The following ERP44 variants were observed in gnomAD, a reference collection of about 807,000 sequenced individuals.
ERP44 encodes endoplasmic reticulum resident protein 44.
Under a neutral mutation model 53.4 loss-of-function variants are expected in ERP44, and 25 were observed. The ratio of observed to expected loss-of-function variants is 0.47; its 90% confidence interval spans 0.34 to 0.65. The LOEUF (loss-of-function observed/expected upper bound fraction) is 0.65. Among genes scored for constraint, ERP44 ranks in the 30% least tolerant of loss-of-function variants. The pLI is 0.01. For synonymous variants in ERP44, 145 were observed against 161.2 expected (o/e 0.90, Z 0.76); for missense variants, 338 against 493.2 (o/e 0.69, Z 2.98).
intron 4 of ERP44, among the ~76,000 whole-genome samples, chr9:100,052,192 C>A (rs894277221): frequency 1.3e-5 from 2 of 151,676 alleles, no homozygotes; most frequent in Non-Finnish European, 2.9e-5. Context: ...AAAACCTTCA[C>A]ACAAGCAAAA....
intron 4 of ERP44, among the ~76,000 whole-genome samples, chr9:100,043,291 A>AAAAAG (rs1168903331): frequency 0.015 from 1,147 of 74,906 alleles, 388 homozygotes; most frequent in African/African-American, 0.06. Context: ...AAAAAAAAAA[A>AAAAAG]GATAAATAAG....
chr9:99,983,476 C>T (rs1037862081), intron 11 of ERP44, among the ~76,000 whole-genome samples: 2 of 140,570 alleles, frequency 1.4e-5, no homozygotes, highest in Non-Finnish European at 3.0e-5. Context: ...ACCCGGGAAG[C>T]GGAGCTTGCA....
intron 1 of ERP44, among the ~76,000 whole-genome samples, chr9:100,071,789 C>T (rs1826308578): frequency 6.6e-6 from 1 of 152,010 alleles, no homozygotes; most frequent in Non-Finnish European, 1.5e-5. Flanking sequence ...GGCGTGGTTG[C>T]GGATGCCTGT....
chr9:100,021,266 G>A (rs1367851792), intron 5 of ERP44, among the ~76,000 whole-genome samples: 2 of 152,204 alleles, frequency 1.3e-5, no homozygotes, highest in African/African-American at 4.8e-5. Flanking sequence ...GAAATAGTGA[G>A]TTCCCCAAGC....
intron 10 of ERP44, among the ~76,000 whole-genome samples, chr9:99,995,626 T>C (rs75783276): frequency 0.013 from 1,975 of 152,332 alleles, 35 homozygotes; most frequent in African/African-American, 0.046. Context: ...GTATTTGTCT[T>C]TCTGTGCTTG....
chr9:100,068,970 C>T (rs1323557094), intron 1 of ERP44, among the ~76,000 whole-genome samples: 3 of 152,290 alleles, frequency 2.0e-5, no homozygotes, highest in Non-Finnish European at 4.4e-5. Context: ...GCCGTGGGAT[C>T]CTGTGGATCT....
At chr9:100,031,637 GT>G (rs1389477265) in intron 4 of ERP44, among the ~76,000 whole-genome samples, 1 of 152,116 alleles carries the variant, frequency 6.6e-6, no homozygotes, top group Non-Finnish European at 1.5e-5. Context: ...AGAAATACTG[GT>G]CATTTGGCCT....
chr9:100,014,128 G>A (rs1564089877), intron 8 of ERP44, among the ~76,000 whole-genome samples: 1 of 152,150 alleles, frequency 6.6e-6, no homozygotes, highest in Non-Finnish European at 1.5e-5. Flanking sequence ...ATGGTAAGTG[G>A]GGGTAATAAC....
intron 1 of ERP44, among the ~76,000 whole-genome samples, chr9:100,090,760 A>AT (rs964795795): frequency 3.3e-4 from 50 of 151,986 alleles, no homozygotes; most frequent in African/African-American, 1.1e-3. Flanking sequence ...AAAAAAAAAA[A>AT]ATATACAACA....
intron 10 of ERP44, among the ~76,000 whole-genome samples, chr9:99,989,105 C>T (rs916217521): frequency 5.9e-5 from 9 of 152,358 alleles, no homozygotes; most frequent in African/African-American, 1.9e-4. Context: ...CCTCTGGGGG[C>T]AGGGCATAGC....
intron 10 of ERP44, among the ~76,000 whole-genome samples, chr9:99,989,295 A>G (rs982172646): frequency 1.6e-4 from 25 of 152,256 alleles, no homozygotes; most frequent in African/African-American, 5.1e-4. Context: ...GCCGACTGAC[A>G]CCTCATACAG....
At chr9:100,021,039 T>C (rs1012781496) in intron 5 of ERP44, among the ~76,000 whole-genome samples, 1 of 152,208 alleles carries the variant, frequency 6.6e-6, no homozygotes, top group African/African-American at 2.4e-5. Flanking sequence ...TTCTAAAATG[T>C]GTTAAAACAA....
In ERP44 at chr9:99,985,065, G is replaced by A; in HGVS notation, c.1021C>T (p.Pro341Ser). 1 of 1,601,114 alleles carries A rather than the reference G, an allele frequency of 6.2e-7. No individual in the cohort carries two copies. Among genetic ancestry groups the A allele is most frequent in the Non-Finnish European group, 8.6e-7 (1 of 1,168,526 alleles). The change falls in exon 11 of 12, where the codon CCT (proline) becomes TCT (serine). Residue 341 changes from proline (P) to serine (S), a missense_variant. By Grantham distance (74) the Pro-to-Ser change is moderately conservative (BLOSUM62 -1). Coordinates refer to ENST00000262455, the MANE Select transcript of ERP44 (RefSeq NM_015051.3). ...VFGDFKDVLIPGKLKQFVFDL... is the reference protein window; with the variant it reads ...VFGDFKDVLISGKLKQFVFDL... ...AATACGAATTGCTTGAGTTTTCCAG[G>A]AATTCTAAAACCAGAGTCAAATAAA...
intron 4 of ERP44, among the ~76,000 whole-genome samples, chr9:100,031,505 CTT>C (rs1825789698): frequency 6.6e-6 from 1 of 152,116 alleles, no homozygotes; most frequent in Non-Finnish European, 1.5e-5. Context: ...GGAATAAGTC[CTT>C]TCTGGTTTGA....
intron 10 of ERP44, among the ~76,000 whole-genome samples, chr9:99,995,410 C>T (rs188987075): frequency 2.6e-5 from 4 of 152,318 alleles, no homozygotes; most frequent in African/African-American, 9.6e-5. Context: ...GCCTAGTTCT[C>T]TATCATACAG....
chr9:100,096,212 G>A (rs546496853), intron 1 of ERP44, among the ~76,000 whole-genome samples: 2 of 151,912 alleles, frequency 1.3e-5, no homozygotes, highest in Non-Finnish European at 2.9e-5. Context: ...CTCTTATCTC[G>A]CCTTTTCAAA....
chr9:100,041,304 A>T (rs1426138323), intron 4 of ERP44, among the ~76,000 whole-genome samples: 2 of 16,790 alleles, frequency 1.2e-4, no homozygotes, highest in Non-Finnish European at 1.7e-4. Flanking sequence ...TTTTTGCCAT[A>T]AAAAAAAAAG....
chr9:100,027,747 T>G lies in ERP44; in HGVS notation c.287-5521A>C, dbSNP rs111752528. On this transcript the variant is annotated intron_variant, in intron 4 of 11. Coordinates refer to ENST00000262455, the MANE Select transcript of ERP44 (RefSeq NM_015051.3). ...AATGGGGAAATTGCCTCATACTCGT[T>G]TCAGCAACGTCTCTCCCTGCAATGG... Among the ~76,000 whole-genome samples the G allele has an allele frequency of 8.2e-3, 1,254 of 152,264 alleles. 20 individuals carry two copies. Among genetic ancestry groups the G allele is most frequent in the African/African-American group, 0.029 (1,190 of 41,536 alleles).
At position 100,017,998 on chromosome 9, in the gene ERP44, CCTAATGCCAGCTCTGCTACT is replaced by C. The variant is rs559892777; in HGVS notation, c.645+238_645+257del. Among the ~76,000 whole-genome samples the C allele has an allele frequency of 2.8e-3, 425 of 152,000 alleles. 1 individual carries two copies. Among genetic ancestry groups the C allele is most frequent in the Non-Finnish European group, 4.3e-3 (290 of 67,978 alleles). On this transcript the variant is annotated intron_variant, in intron 7 of 11. Coordinates refer to ENST00000262455, the MANE Select transcript of ERP44 (RefSeq NM_015051.3). ...GAAAAGGCCTGAGAGTCAGGAGATC[CCTAATGCCAGCTCTGCTACT>C]CTAATGCCAGCTCTGCTACTCTAAT... is the stretch of plus-strand genomic sequence containing the variant.
Sources: gnomAD v4.1 joint callset for allele counts (sites outside exome capture counted in the v4.1 genomes callset) on GRCh38, gnomAD v4.1.1 for gene constraint, MANE v1.5 for transcripts, NCBI Gene and HGNC (gene_info 2026-07-23, HGNC 2026-07-21) for gene names.